The following SEZ6 variants were observed in gnomAD, a reference collection of about 807,000 sequenced individuals.
SEZ6 encodes the protein seizure related 6 homolog.
Under a neutral mutation model 101.0 loss-of-function variants are expected in SEZ6, and 53 were observed. The observed-to-expected ratio is 0.52, with a 90% CI of 0.42 to 0.66. SEZ6 has a LOEUF of 0.66. Among genes scored for constraint, SEZ6 ranks in the 30% least tolerant of loss-of-function variants. The pLI is 0.00. For missense variants in SEZ6, 1,102 were observed against 1,289.4 expected, an observed-to-expected ratio of 0.85 and a Z score of 2.23; for synonymous variants, 488 against 512.2, an observed-to-expected ratio of 0.95 and a Z score of 0.64.
intron 3 of SEZ6, among the ~76,000 whole-genome samples, chr17:28,974,653 C>G (rs796481241): frequency 1.3e-5 from 2 of 152,328 alleles, no homozygotes; most frequent in Admixed American, 1.3e-4. Flanking sequence ...AAAGCCAGGA[C>G]TCGAGGCCAG....
chr17:28,977,269 G>T (rs1236564482), intron 3 of SEZ6, among the ~76,000 whole-genome samples: 1 of 152,216 alleles, frequency 6.6e-6, no homozygotes, highest in Non-Finnish European at 1.5e-5. Context: ...ATCCTGCTTA[G>T]TTCTGGCTGA....
At chr17:28,980,692 C>T (rs752075921) in intron 2 of SEZ6, among the ~76,000 whole-genome samples, 2 of 150,438 alleles carry the variant, frequency 1.3e-5, no homozygotes, top group African/African-American at 2.4e-5. Context: ...TTAGTAGAGA[C>T]GGGGTTTCAC....
chr17:28,965,872 C>T (rs1324712508), intron 4 of SEZ6, among the ~76,000 whole-genome samples: 1 of 152,202 alleles, frequency 6.6e-6, no homozygotes, highest in African/African-American at 2.4e-5. Flanking sequence ...GGTGCAGTGG[C>T]TCACGCCTGT....
chr17:28,971,036 G>T (rs1264921688), intron 3 of SEZ6, among the ~76,000 whole-genome samples: 1 of 152,128 alleles, frequency 6.6e-6, no homozygotes, highest in Non-Finnish European at 1.5e-5. Context: ...TGGGCTCCAT[G>T]CCTCCATTCA....
intron 5 of SEZ6, 65 bp downstream of exon 5, chr17:28,963,897 G>A: frequency 6.5e-7 from 1 of 1,540,300 alleles, no homozygotes; most frequent in Non-Finnish European, 8.8e-7. Flanking sequence ...GAGCAACAGA[G>A]AGCAGGGATG....
chr17:29,004,025 C>G (rs1414706091), intron 1 of SEZ6, among the ~76,000 whole-genome samples: 1 of 152,186 alleles, frequency 6.6e-6, no homozygotes, highest in Non-Finnish European at 1.5e-5. Flanking sequence ...CAGTCTCACT[C>G]TAGCCCTGCA....
At chr17:28,997,709 C>G (rs569921367) in intron 1 of SEZ6, among the ~76,000 whole-genome samples, 2 of 152,282 alleles carry the variant, frequency 1.3e-5, no homozygotes, top group South Asian at 4.2e-4. Context: ...TCACCATCCC[C>G]CCCACCCCGA....
intron 5 of SEZ6, among the ~76,000 whole-genome samples, chr17:28,963,165 T>C (rs1598182895): frequency 6.6e-6 from 1 of 151,038 alleles, no homozygotes; most frequent in East Asian, 1.9e-4. Context: ...CTTTTCATAC[T>C]GCAAACCAAA....
At chr17:28,978,757 G>A (rs1366558225) in intron 3 of SEZ6, among the ~76,000 whole-genome samples, 1 of 152,144 alleles carries the variant, frequency 6.6e-6, no homozygotes, top group African/African-American at 2.4e-5. Flanking sequence ...AGTGGAGGTG[G>A]AGATGGGTAG....
chr17:28,957,411 G>C lies in SEZ6; in HGVS notation c.2431C>G (p.Leu811Val). 1 of 1,613,794 alleles carries C rather than the reference G, an allele frequency of 6.2e-7. No individual in the cohort carries two copies. The highest frequency in any genetic ancestry group is 8.5e-7 in the Non-Finnish European group (1 of 1,179,736). ...QGFVLMGSSI[L>V]TCHDRQAGSP... Reference sequence around the variant, plus strand: ...CCAGCCTGGCGATCATGGCAGGTGAGGATGGAGCTGCCCATCAGCACAAAA... The same window carrying C: ...CCAGCCTGGCGATCATGGCAGGTGACGATGGAGCTGCCCATCAGCACAAAA... The change falls in exon 12 of 17, where the codon CTC becomes GTC. Residue 811 changes from leucine to valine, a missense_variant. By Grantham distance (32) the Leu-to-Val change is conservative (BLOSUM62 1). Coordinates refer to ENST00000317338, the MANE Select transcript of SEZ6 (RefSeq NM_178860.5).
intron 1 of SEZ6, among the ~76,000 whole-genome samples, chr17:28,993,368 G>T (rs1376155219): frequency 6.6e-6 from 1 of 152,160 alleles, no homozygotes; most frequent in African/African-American, 2.4e-5. Context: ...CCAAGGTGGG[G>T]GTGTGGAGCA....
At chr17:28,999,474 T>C (rs1278619998) in intron 1 of SEZ6, among the ~76,000 whole-genome samples, 1 of 151,570 alleles carries the variant, frequency 6.6e-6, no homozygotes, top group African/African-American at 2.4e-5. Flanking sequence ...CTCTGCAGCC[T>C]GAGACCTGGA....
At chr17:28,979,610 G>A (rs1414082400) in intron 3 of SEZ6, 70 bp downstream of exon 3, 1 of 1,603,544 alleles carries the variant, frequency 6.2e-7, no homozygotes, top group Admixed American at 1.7e-5. Context: ...TCCTCTCATA[G>A]CATGTGCCTC....
At chr17:28,992,640 G>A (rs561251716) in intron 1 of SEZ6, among the ~76,000 whole-genome samples, 30 of 152,278 alleles carry the variant, frequency 2.0e-4, no homozygotes, top group Non-Finnish European at 3.2e-4. Flanking sequence ...CCGCCCCAGG[G>A]CCATCTGTCC....
intron 1 of SEZ6, among the ~76,000 whole-genome samples, chr17:28,998,909 C>A (rs1023762553): frequency 6.6e-6 from 1 of 152,186 alleles, no homozygotes; most frequent in Non-Finnish European, 1.5e-5. Context: ...GTAGCTGGAT[C>A]ATATAGGTGC....
chr17:28,993,305 C>A (rs923614895), intron 1 of SEZ6, among the ~76,000 whole-genome samples: 1 of 151,930 alleles, frequency 6.6e-6, no homozygotes, highest in African/African-American at 2.4e-5. Context: ...CCCCAGGCCC[C>A]TTCTCCTACC....
Position 29,005,762 on chromosome 17 carries a change from C to A in SEZ6, c.55+53G>T. ...TGGGCACCGGGTCTCCCTTCCCACC[C>A]CTGGGGCCCCGCTCCCGCCCCCGTC... On this transcript the variant is annotated intron_variant, in intron 1 of 16. Transcript: ENST00000317338. This position sits in a 1 kb window ranked among gnomAD's most constrained non-coding sequence, Gnocchi z 4.8. 6.8e-7 allele frequency: 1 copy of A among 1,465,986 alleles called. No homozygotes were observed. Among genetic ancestry groups the A allele is most frequent in the South Asian group, 1.3e-5 (1 of 79,836 alleles). The allele number at this position is 1,465,986 out of a possible 1,614,324, so 90.8% of individuals were successfully genotyped here. A position where few individuals can be genotyped will look rare whatever the true frequency, so the allele number is the denominator to read the frequency against.
At chr17:28,962,385 C>G (rs1028702560) in intron 5 of SEZ6, among the ~76,000 whole-genome samples, 2 of 152,226 alleles carry the variant, frequency 1.3e-5, no homozygotes, top group Non-Finnish European at 2.9e-5. Flanking sequence ...CTGCACTGAG[C>G]TGCTTGCCAG....
intron 1 of SEZ6, among the ~76,000 whole-genome samples, chr17:28,984,573 C>T (rs1009771475): frequency 2.6e-5 from 4 of 152,208 alleles, no homozygotes; most frequent in African/African-American, 7.2e-5. Flanking sequence ...CTAATGGGCA[C>T]CTCCCATCAC....
Sources: allele counts gnomAD v4.1 joint callset (sites outside exome capture counted in the v4.1 genomes callset), GRCh38; gene constraint gnomAD v4.1.1; non-coding constraint Gnocchi (gnomAD v3.1); transcripts MANE v1.5; gene names NCBI Gene and HGNC (gene_info 2026-07-23, HGNC 2026-07-21).